The following SRBD1 variants were observed in gnomAD, a reference collection of about 807,000 sequenced individuals.
The protein encoded by SRBD1 is S1 RNA-binding domain-containing protein 1.
A neutral mutation model predicts 115.3 loss-of-function variants in SRBD1; 88 were observed. The ratio of observed to expected loss-of-function variants is 0.76; its 90% CI spans 0.64 to 0.91. The LOEUF (loss-of-function observed/expected upper bound fraction) is 0.91. Among genes scored for constraint, SRBD1 ranks in the 40% least tolerant of loss-of-function variants. SRBD1 has a pLI of 0.00. For missense variants in SRBD1, 1,385 were observed against 1,177.4 expected, an observed-to-expected ratio of 1.18 and a Z score of -2.58; for synonymous variants, 509 against 407.7, an observed-to-expected ratio of 1.25 and a Z score of -2.99.
intron 16 of SRBD1, among the ~76,000 whole-genome samples, chr2:45,425,899 T>A (rs1572627461): frequency 6.6e-6 from 1 of 151,858 alleles, no homozygotes; most frequent in Admixed American, 6.6e-5. Flanking sequence ...GGGCCCTGGG[T>A]TTCAAGCACA....
intron 7 of SRBD1, among the ~76,000 whole-genome samples, chr2:45,577,280 A>T (rs1326313538): frequency 6.6e-6 from 1 of 152,220 alleles, no homozygotes; most frequent in Non-Finnish European, 1.5e-5. Context: ...TCCTTTCCCA[A>T]TCAAAGGGAA....
At chr2:45,451,456 A>T (rs1017992841) in intron 16 of SRBD1, among the ~76,000 whole-genome samples, 3 of 152,050 alleles carry the variant, frequency 2.0e-5, no homozygotes, top group Non-Finnish European at 4.4e-5. Context: ...CAATAAACTG[A>T]TATTAAATGA....
intron 19 of SRBD1, among the ~76,000 whole-genome samples, chr2:45,393,625 C>G (rs1481207386): frequency 6.6e-6 from 1 of 152,212 alleles, no homozygotes; most frequent in Non-Finnish European, 1.5e-5. Context: ...CGTGATCTGC[C>G]TGCCTTGGCC....
intron 16 of SRBD1, among the ~76,000 whole-genome samples, chr2:45,426,531 C>A (rs1455919765): frequency 6.6e-6 from 1 of 152,196 alleles, no homozygotes; most frequent in Non-Finnish European, 1.5e-5. Context: ...CAAGTGGGTT[C>A]CTGACCCCCA....
intron 16 of SRBD1, among the ~76,000 whole-genome samples, chr2:45,467,570 A>G (rs535948712): frequency 1.2e-4 from 19 of 152,248 alleles, no homozygotes; most frequent in Non-Finnish European, 1.8e-4. Context: ...ACCATGGGGG[A>G]AAAATAATTA....
At chr2:45,555,583 T>C (rs1672449428) in intron 10 of SRBD1, among the ~76,000 whole-genome samples, 1 of 146,848 alleles carries the variant, frequency 6.8e-6, no homozygotes, top group Non-Finnish European at 1.5e-5. Flanking sequence ...CTCCACCTCC[T>C]GGGTTCATGC....
intron 16 of SRBD1, among the ~76,000 whole-genome samples, chr2:45,428,101 T>C (rs1324114299): frequency 6.6e-6 from 1 of 152,128 alleles, no homozygotes; most frequent in Non-Finnish European, 1.5e-5. Flanking sequence ...TAGTTGGAAG[T>C]AAAACGCTCC....
At chr2:45,412,017 G>A (rs532493374) in intron 19 of SRBD1, among the ~76,000 whole-genome samples, 5 of 152,098 alleles carry the variant, frequency 3.3e-5, no homozygotes, top group South Asian at 4.2e-4. Context: ...GGAGGTTGAC[G>A]CGCAAGAATC....
chr2:45,417,924 T>C (rs916683626), intron 18 of SRBD1, among the ~76,000 whole-genome samples: 1 of 152,226 alleles, frequency 6.6e-6, no homozygotes, highest in African/African-American at 2.4e-5. Context: ...TGGTCCTGCC[T>C]TAGGACTGTG....
At position 45,464,995 on chromosome 2, in the gene SRBD1, G is replaced by C. The variant is rs191276763; in HGVS notation, c.2049+11998C>G. ...GTTAAAAAGAAACTGTCATGGTTGA[G>C]ATTGTACACACACACACACACACAC... is the stretch of plus-strand genomic sequence containing the variant. On this transcript the variant is annotated intron_variant, in intron 16 of 20. Transcript: ENST00000263736. 4.8e-4 allele frequency among the ~76,000 whole-genome samples: 68 copies of C among 143,082 alleles called. No homozygotes were observed. In the South Asian group the frequency reaches 0.015, roughly 32 times the overall value. 93.9% of individuals were successfully genotyped at this position (143,082 alleles called of 152,430 possible).
chr2:45,562,353 A>G (rs1672692826), intron 10 of SRBD1, among the ~76,000 whole-genome samples: 1 of 152,000 alleles, frequency 6.6e-6, no homozygotes, highest in Non-Finnish European at 1.5e-5. Context: ...CAGCCTCCTA[A>G]GTAGCGGGGA....
chr2:45,468,369 T>G (rs1572673884), intron 16 of SRBD1, among the ~76,000 whole-genome samples: 1 of 151,778 alleles, frequency 6.6e-6, no homozygotes. Context: ...TTCACTACTA[T>G]AAATATTGCT....
At chr2:45,393,936 C>T (rs1667074991) in intron 19 of SRBD1, among the ~76,000 whole-genome samples, 1 of 152,166 alleles carries the variant, frequency 6.6e-6, no homozygotes, top group African/African-American at 2.4e-5. Flanking sequence ...ATTACCTGTG[C>T]AGCATACCAT....
At chr2:45,531,174 AGTT>A (rs1296629443) in intron 14 of SRBD1, among the ~76,000 whole-genome samples, 1 of 151,792 alleles carries the variant, frequency 6.6e-6, no homozygotes. Context: ...CCTCTGTGTC[AGTT>A]GTTGTGTTGG....
intron 19 of SRBD1, among the ~76,000 whole-genome samples, chr2:45,412,306 T>G (rs1667628034): frequency 6.6e-6 from 1 of 152,270 alleles, no homozygotes; most frequent in African/African-American, 2.4e-5. Flanking sequence ...AACCAGGAAC[T>G]AGTTGGATGT....
chr2:45,557,115 T>C (rs948168990), intron 10 of SRBD1, among the ~76,000 whole-genome samples: 2 of 152,224 alleles, frequency 1.3e-5, no homozygotes, highest in East Asian at 1.9e-4. Context: ...TAAATTGAAG[T>C]AACTATAAGG....
At chr2:45,480,496 G>A (rs1669929462) in intron 15 of SRBD1, among the ~76,000 whole-genome samples, 1 of 152,108 alleles carries the variant, frequency 6.6e-6, no homozygotes, top group South Asian at 2.1e-4. Flanking sequence ...CAGATGTCGT[G>A]GAAATAGGAA....
At chr2:45,523,251 C>T (rs56058719) in intron 14 of SRBD1, among the ~76,000 whole-genome samples, 51,487 of 144,434 alleles carry the variant, frequency 0.36, 10,222 homozygotes, top group Non-Finnish European at 0.46. Flanking sequence ...AAATCAATAA[C>T]CCAACCTTCC....
chr2:45,611,029 G>A (rs1013008642), intron 1 of SRBD1, among the ~76,000 whole-genome samples, 190 bp downstream of exon 1: 3 of 152,226 alleles, frequency 2.0e-5, no homozygotes, highest in Admixed American at 6.5e-5. Flanking sequence ...TAGCTAGGAG[G>A]GGTTTTCGGG....
Sources: allele counts gnomAD v4.1 joint callset (sites outside exome capture counted in the v4.1 genomes callset), GRCh38; gene constraint gnomAD v4.1.1; transcripts MANE v1.5; gene names NCBI Gene and HGNC (gene_info 2026-07-23, HGNC 2026-07-21).